The following NXPE2 variants were observed in gnomAD, a reference collection of about 807,000 sequenced individuals.
The protein encoded by NXPE2 is NXPE family member 2.
A neutral mutation model predicts 34.4 loss-of-function variants in NXPE2; 34 were observed. The observed-to-expected ratio is 0.99, with a 90% confidence interval of 0.75 to 1.31. NXPE2 has a LOEUF of 1.31. Ranked by LOEUF, NXPE2 falls within the 40% of genes most tolerant of loss-of-function variation. The pLI, the probability that NXPE2 is intolerant of heterozygous loss-of-function variation, is 0.00. For missense variants in NXPE2, 649 were observed against 672.5 expected (o/e 0.97, Z 0.39); for synonymous variants, 235 against 231.3 (o/e 1.02, Z -0.15).
chr11:114,557,634 CATATATATATAT>C, the NXPE2 span, among the ~76,000 whole-genome samples: 4,477 of 128,388 alleles, frequency 0.035, 263 homozygotes, highest in African/African-American at 0.11. Flanking sequence ...ATATATAATA[CATATATATATAT>C]ATATATATAT....
chr11:114,773,269 A>ACCC, the NXPE2 span, among the ~76,000 whole-genome samples: 1 of 46,536 alleles, frequency 2.1e-5, no homozygotes, highest in African/African-American at 6.1e-5. Context: ...GCCCTACACA[A>ACCC]CCCACTCCCA....
chr11:114,532,358 C>T, the NXPE2 span, among the ~76,000 whole-genome samples: 1 of 151,692 alleles, frequency 6.6e-6, no homozygotes, highest in African/African-American at 2.4e-5. Context: ...CCTTTTGGTT[C>T]TCTGGAAAAT....
chr11:114,493,980 T>C, the NXPE2 span, among the ~76,000 whole-genome samples: 1 of 152,172 alleles, frequency 6.6e-6, no homozygotes, highest in South Asian at 2.1e-4. Context: ...TATACTATTC[T>C]ATGGTAAAAG....
At chr11:114,554,335 C>G in the NXPE2 span, 2 of 985,102 alleles carry the variant, frequency 2.0e-6, no homozygotes, top group African/African-American at 3.5e-5. Flanking sequence ...TCTCTTTCCT[C>G]TTCCTACTTG....
the NXPE2 span, among the ~76,000 whole-genome samples, chr11:114,494,541 C>T: frequency 2.0e-5 from 3 of 152,086 alleles, no homozygotes; most frequent in South Asian, 2.1e-4. Flanking sequence ...AGAATTTCTG[C>T]TAGATTCTTT....
At chr11:114,749,985 T>G in the NXPE2 span, among the ~76,000 whole-genome samples, 1 of 152,086 alleles carries the variant, frequency 6.6e-6, no homozygotes, top group African/African-American at 2.4e-5. Flanking sequence ...CTTTGAACAT[T>G]CGCCAAGATG....
At chr11:114,534,252 C>G in the NXPE2 span, among the ~76,000 whole-genome samples, 8 of 152,186 alleles carry the variant, frequency 5.3e-5, no homozygotes, top group Non-Finnish European at 1.2e-4. Context: ...AACTAACAAA[C>G]AGAAAGGACA....
chr11:114,483,791 A>ACACTCCCT, the NXPE2 span, among the ~76,000 whole-genome samples: 2 of 152,136 alleles, frequency 1.3e-5, no homozygotes, highest in South Asian at 2.1e-4. Context: ...CCCTGTGATC[A>ACACTCCCT]CACTCCCTTC....
intron 2 of NXPE2, 83 bp from the exon 3 acceptor site, chr11:114,697,962 T>C: frequency 8.0e-7 from 1 of 1,250,878 alleles, no homozygotes. Flanking sequence ...CTGAAAGATG[T>C]AAAATAAGCC....
At chr11:114,642,792 C>G in the NXPE2 span, among the ~76,000 whole-genome samples, 3 of 152,126 alleles carry the variant, frequency 2.0e-5, no homozygotes, top group South Asian at 6.2e-4. Flanking sequence ...ACTGGGCTTG[C>G]TGGGTCAAAT....
the NXPE2 span, among the ~76,000 whole-genome samples, chr11:114,764,401 GTTAC>G: frequency 5.4e-5 from 8 of 147,868 alleles, no homozygotes; most frequent in Admixed American, 1.4e-4. Flanking sequence ...CATGATGTCT[GTTAC>G]TTACTTTCAA....
At chr11:114,717,015 T>A in the NXPE2 span, among the ~76,000 whole-genome samples, 1 of 152,230 alleles carries the variant, frequency 6.6e-6, no homozygotes, top group Non-Finnish European at 1.5e-5. Flanking sequence ...TTTTAAAGAT[T>A]TGTAAAAATA....
the NXPE2 span, among the ~76,000 whole-genome samples, chr11:114,484,775 T>C: frequency 2.0e-5 from 3 of 152,202 alleles, no homozygotes; most frequent in African/African-American, 7.2e-5. Context: ...ATATGGGAAA[T>C]GAAATTTATA....
chr11:114,582,174 GGCTCTT>G, the NXPE2 span: 1 of 1,092,902 alleles, frequency 9.1e-7, no homozygotes, highest in Non-Finnish European at 1.3e-6. Context: ...TTTCCCCAAA[GGCTCTT>G]ACTAAAGACA....
At chr11:114,772,343 C>CA in the NXPE2 span, among the ~76,000 whole-genome samples, 1 of 151,250 alleles carries the variant, frequency 6.6e-6, no homozygotes, top group Non-Finnish European at 1.5e-5. Context: ...GTAGCTAAAG[C>CA]AAAAAAGGAA....
the NXPE2 span, among the ~76,000 whole-genome samples, chr11:114,777,863 T>C: frequency 1.3e-5 from 2 of 152,194 alleles, no homozygotes; most frequent in East Asian, 3.8e-4. Flanking sequence ...TGCTATGTGA[T>C]TGAAATGATC....
At chr11:114,605,589 C>T in the NXPE2 span, among the ~76,000 whole-genome samples, 28 of 151,160 alleles carry the variant, frequency 1.9e-4, no homozygotes, top group East Asian at 3.1e-3. Flanking sequence ...AGTATTGCCT[C>T]GTCGGTAACC....
chr11:114,638,553 G>A, the NXPE2 span, among the ~76,000 whole-genome samples: 2 of 151,952 alleles, frequency 1.3e-5, no homozygotes, highest in African/African-American at 4.8e-5. Flanking sequence ...GCTTTTTAGA[G>A]TTTCCCGTTT....
the NXPE2 span, among the ~76,000 whole-genome samples, chr11:114,589,089 C>T: frequency 6.6e-6 from 1 of 152,062 alleles, no homozygotes; most frequent in Non-Finnish European, 1.5e-5. Flanking sequence ...CTGCGAGTTG[C>T]TATTGATGTG....
Sources: allele counts gnomAD v4.1 joint callset (sites outside exome capture counted in the v4.1 genomes callset), GRCh38; gene constraint gnomAD v4.1.1; transcripts MANE v1.5; gene names NCBI Gene and HGNC (gene_info 2026-07-23, HGNC 2026-07-21).